The following ODC1 variants were observed in gnomAD, a reference collection of about 807,000 sequenced individuals.
The protein encoded by ODC1 is ornithine decarboxylase 1, also known as ornithine decarboxylase.
In ODC1, 18 loss-of-function variants were observed where a neutral mutation model predicts 41.5. That is an observed-to-expected ratio of 0.43 (90% CI 0.30 to 0.64). The LOEUF (loss-of-function observed/expected upper bound fraction) is 0.64, where lower values mean the gene tolerates loss of function less well. Ranked by LOEUF, ODC1 falls within the 30% of genes least tolerant of loss-of-function variation. The probability of loss-of-function intolerance (pLI) is 0.11; values close to 1 mark genes in which losing one functional copy is unlikely to be tolerated. For synonymous variants in ODC1, 218 were observed against 211.6 expected, an observed-to-expected ratio of 1.03 and a Z score of -0.26; for missense variants, 504 against 589.0, an observed-to-expected ratio of 0.86 and a Z score of 1.49.
intron 5 of ODC1, 63 bp downstream of exon 5, chr2:10,444,032 G>A: frequency 6.6e-7 from 1 of 1,507,426 alleles, no homozygotes. Context: ...ATTTAAGTTT[G>A]TTTGATAAGA....
intron 1 of ODC1, among the ~76,000 whole-genome samples, chr2:10,445,867 C>T (rs1671995681): frequency 6.6e-6 from 1 of 152,082 alleles, no homozygotes; most frequent in African/African-American, 2.4e-5. Flanking sequence ...AACTCCTGAC[C>T]CCAGGTGATC....
chr2:10,448,284 A>T lies in ODC1; in HGVS notation c.-291T>A. The T allele has an allele frequency of 4.1e-6, 1 of 242,478 alleles. No individual in the cohort carries two copies. The highest frequency in any genetic ancestry group is 7.9e-6 in the Non-Finnish European group (1 of 126,800). 15.0% of individuals were successfully genotyped at this position (242,478 alleles called of 1,614,324 possible). A position where few individuals can be genotyped will look rare whatever the true frequency, so the allele number is the denominator to read the frequency against. On this transcript the variant is annotated 5_prime_UTR_variant, in exon 1 of 12. Coordinates refer to ENST00000234111, the MANE Select transcript of ODC1 (RefSeq NM_002539.3). ...GAGGTGGCGCCGGAGCTGCTGGCAGAGGGGCGGCGGGCGGCGGCGGCGGCG... is the reference window on the plus strand; with the variant it reads ...GAGGTGGCGCCGGAGCTGCTGGCAGTGGGGCGGCGGGCGGCGGCGGCGGCG...
Position 10,441,740 on chromosome 2 carries a change from A to C in ODC1, c.1027-17T>G. The C allele has an allele frequency of 1.2e-6, 2 of 1,613,442 alleles. No individual in the cohort carries two copies. ...TTTAGGTCTCTATATAAAGAGACGG[A>C]GAGAGGAAGTACTACTTAATTACAC... On this transcript the variant is annotated splice_polypyrimidine_tract_variant and intron_variant, in intron 10 of 11. Transcript: ENST00000234111.
intron 11 of ODC1, 122 bp from the exon 12 acceptor site, chr2:10,440,990 T>A: frequency 8.9e-7 from 1 of 1,124,736 alleles, no homozygotes; most frequent in South Asian, 1.6e-5. Context: ...AGGGTCTTTC[T>A]CTGTTACTCA....
At chr2:10,443,678 C>T (rs1259700372) in intron 6 of ODC1, 24 bp downstream of exon 6, 2 of 1,613,360 alleles carry the variant, frequency 1.2e-6, no homozygotes, top group Non-Finnish European at 1.7e-6. Flanking sequence ...GTCTTGACCT[C>T]TAGCTATCCC....
At chr2:10,443,178 A>G in intron 8 of ODC1, 52 bp downstream of exon 8, 1 of 1,422,098 alleles carries the variant, frequency 7.0e-7, no homozygotes, top group Non-Finnish European at 9.8e-7. Context: ...AATATTCCAA[A>G]AAGGAATTTA....
intron 5 of ODC1, 108 bp downstream of exon 5, chr2:10,443,987 C>G: frequency 1.4e-6 from 2 of 1,460,220 alleles, no homozygotes; most frequent in South Asian, 2.7e-5. Context: ...GTTTCAACTA[C>G]TTTCTACTAA....
At chr2:10,443,087 A>AAATC (rs1671885074) in intron 8 of ODC1, 143 bp downstream of exon 8, 1 of 680,682 alleles carries the variant, frequency 1.5e-6, no homozygotes, top group Admixed American at 2.9e-5. Context: ...GTAATGTCAG[A>AAATC]CAGCACAAAG....
At chr2:10,441,450 C>T (rs1428843427) in intron 11 of ODC1, 59 bp downstream of exon 11, 3 of 1,516,078 alleles carry the variant, frequency 2.0e-6, no homozygotes, top group South Asian at 1.2e-5. Context: ...AGACAAGAAG[C>T]ACACATCCAA....
At chr2:10,444,369 CT>C in intron 4 of ODC1, 102 bp from the exon 5 acceptor site, 1 of 1,511,012 alleles carries the variant, frequency 6.6e-7, no homozygotes, top group Non-Finnish European at 8.9e-7. Context: ...CCCCATTTGC[CT>C]TTAGTGAGCA....
At position 10,440,761 on chromosome 2, in the gene ODC1, T is replaced by C. The variant is rs1482804361; in HGVS notation, c.1349A>G (p.His450Arg). Residue 450 changes from histidine to arginine, a missense_variant, in exon 12 of 12, where the codon CAC becomes CGC. By Grantham distance (29) the His-to-Arg change is conservative. This residue lies in a region of ODC1 where 447 missense variants were observed against 524.4 expected (regional missense o/e 0.85). Transcript: ENST00000234111. The stretch of plus-strand genomic sequence containing the variant: ...ACTAGCCGAAGCACAGGCTGCTCTG[T>C]GGCGTTTCATCCCACTCTCCCAGGC... The part of the protein sequence containing the change: ...SCAWESGMKR[H>R]RAACASASIN... 3.1e-6 allele frequency: 5 copies of C among 1,614,046 alleles called. No individual in the cohort carries two copies. The highest frequency in any genetic ancestry group is 3.3e-5 in the Admixed American group (2 of 60,002).
At chr2:10,447,661 T>C (rs929760922) in intron 1 of ODC1, 2 of 152,304 alleles carry the variant, frequency 1.3e-5, no homozygotes, top group Non-Finnish European at 2.9e-5. Flanking sequence ...TCATCTGCTC[T>C]GTAGACACAG....
rs1671785412 is a variant in ODC1, at chr2:10,440,524, A to T, written c.*200T>A. 5.8e-6 allele frequency: 3 copies of T among 513,794 alleles called. No homozygotes were observed. Among genetic ancestry groups the T allele is most frequent in the Non-Finnish European group, 1.0e-5 (3 of 296,386 alleles). The allele number at this position is 513,794 out of a possible 1,614,324, so 31.8% of individuals were successfully genotyped here. A position where few individuals can be genotyped will look rare whatever the true frequency, so the allele number is the denominator to read the frequency against. On this transcript the variant is annotated 3_prime_UTR_variant, in exon 12 of 12. Transcript: ENST00000234111. ...TAGCGTGTCTGAAGAGTGAATAAAA[A>T]TCCATATAAAACAAATATTCAAATA...
intron 11 of ODC1, among the ~76,000 whole-genome samples, 179 bp downstream of exon 11, chr2:10,441,320 GCATGAACTTA>G (rs1382670902): frequency 8.5e-5 from 13 of 152,298 alleles, no homozygotes; most frequent in African/African-American, 2.9e-4. Context: ...AAGACACATG[GCATGAACTTA>G]AATATATTCC....
At position 10,442,123 on chromosome 2, in the gene ODC1, C is replaced by T. The variant is rs61733046; in HGVS notation, c.802G>A (p.Gly268Arg). 6.7e-4 allele frequency: 1,082 copies of T among 1,614,020 alleles called. 6 individuals carry two copies. In the African/African-American group the frequency reaches 0.013, roughly 19 times the overall value. Reference sequence around the variant, plus strand: ...CCGGGCTCAGCTATGATTCTCACTCCAGAGTCTGACGGAAAGTATTTGTCC... The same window carrying T: ...CCGGGCTCAGCTATGATTCTCACTCTAGAGTCTGACGGAAAGTATTTGTCC... ...ALDKYFPSDS[G>R]VRIIAEPGRY... is the part of the protein sequence containing the mutation. The change falls in exon 9 of 12, where the codon GGA becomes AGA. Residue 268 changes from glycine to arginine, a missense_variant. Transcript: ENST00000234111.
Position 10,441,673 on chromosome 2 carries a change from T to C in ODC1, c.1077A>G (p.Thr359=), listed in dbSNP as rs28362411. The change falls in exon 11 of 12, where the codon ACA becomes ACG. Residue 359 remains threonine (T), a synonymous_variant. Coordinates refer to ENST00000234111, the MANE Select transcript of ODC1 (RefSeq NM_002539.3). The part of the protein sequence containing the change: ...KYYSSSIWGP[T]CDGLDRIVER... ...CAACAATCCGATCGAGGCCATCACA[T>C]GTTGGTCCCCATATGCTGGATGAAT... 313 of 1,614,248 alleles carry C rather than the reference T, an allele frequency of 1.9e-4. 2 individuals carry two copies. The African/African-American group carries it at 3.7e-3, about 19-fold the overall frequency.
rs1429646464 is a variant in ODC1, at chr2:10,442,094, T to C, written c.831A>G (p.Arg277=). ...GCGTGAAAGCTGATGCAACATAGTA[T>C]CTGCCGGGCTCAGCTATGATTCTCA... ...SGVRIIAEPG[R]YYVASAFTLA... The change falls in exon 9 of 12, where the codon AGA becomes AGG. Residue 277 remains arginine (R), a synonymous_variant. Transcript: ENST00000234111. The C allele has an allele frequency of 5.0e-6, 8 of 1,614,078 alleles. No individual in the cohort carries two copies. The highest frequency in any genetic ancestry group is 1.3e-5 in the African/African-American group (1 of 74,934).
Position 10,440,282 on chromosome 2 carries a change from T to G in ODC1, c.*442A>C, listed in dbSNP as rs1671776689. ...CTTCCGTCTCACCTGTCCTCCTACC[T>G]GTGTGTGGGTGGACCCACTCATTGT... On this transcript the variant is annotated 3_prime_UTR_variant, in exon 12 of 12. Transcript: ENST00000234111. 1 of 157,160 alleles carries G rather than the reference T, an allele frequency of 6.4e-6. No individual in the cohort carries two copies. The highest frequency in any genetic ancestry group is 2.4e-5 in the African/African-American group (1 of 41,476). The allele number at this position is 157,160 out of a possible 1,614,324, so 9.7% of individuals were successfully genotyped here. A position where few individuals can be genotyped will look rare whatever the true frequency, so the allele number is the denominator to read the frequency against.
chr2:10,443,945 G>C, intron 5 of ODC1, 109 bp from the exon 6 acceptor site: 3 of 1,508,284 alleles, frequency 2.0e-6, no homozygotes, highest in East Asian at 2.3e-5. Context: ...ATATTCTGTA[G>C]TTTGAGTCCC....
Sources: gnomAD v4.1 joint callset for allele counts (sites outside exome capture counted in the v4.1 genomes callset) on GRCh38, gnomAD v4.1.1 for gene constraint, gnomAD v4.1.1 regional missense constraint, MANE v1.5 for transcripts, NCBI Gene and HGNC (gene_info 2026-07-23, HGNC 2026-07-21) for gene names.